CLINT1: variants seen among roughly 807,000 people sequenced by gnomAD.
CLINT1 encodes clathrin interacting protein localized in the trans-Golgi region.
In CLINT1, 15 loss-of-function variants were observed where a neutral mutation model predicts 70.4. The observed-to-expected ratio is 0.21, with a 90% CI of 0.14 to 0.33. The LOEUF (loss-of-function observed/expected upper bound fraction) is 0.33. CLINT1 is among the 10% of genes least tolerant of loss of function. The pLI is 1.00. For synonymous variants in CLINT1, 227 were observed against 254.7 expected (o/e 0.89, Z 1.04); for missense variants, 615 against 778.1 (o/e 0.79, Z 2.49).
At chr5:157,826,565 GGAGAAC>G (rs1342377370) in intron 1 of CLINT1, among the ~76,000 whole-genome samples, 1 of 151,296 alleles carries the variant, frequency 6.6e-6, no homozygotes, top group Non-Finnish European at 1.5e-5. Context: ...CCTCAAAGCT[GGAGAAC>G]AAAGCTAAGC....
chr5:157,809,796 T>A lies in CLINT1; in HGVS notation c.527A>T (p.Tyr176Phe), dbSNP rs1434312836. The change falls in exon 6 of 12, where the codon TAT becomes TTT. Residue 176 changes from tyrosine (Y) to phenylalanine (F), a missense_variant. Physicochemically the swap from Tyr to Phe is conservative, Grantham distance 22 (BLOSUM62 3). This residue lies in a region of CLINT1 where 241 missense variants were observed against 368.6 expected (regional missense o/e 0.65). Coordinates refer to ENST00000411809, the MANE Select transcript of CLINT1 (RefSeq NM_014666.4). ...SVGGFRYSERYDPEPKSKWDE... is the reference protein window; with the variant it reads ...SVGGFRYSERFDPEPKSKWDE... ...CCATTTTGATTTGGGCTCAGGATCATATCTTTCACCTAGATAGAGCATTAA... is the reference window on the plus strand; with the variant it reads ...CCATTTTGATTTGGGCTCAGGATCAAATCTTTCACCTAGATAGAGCATTAA... The A allele has an allele frequency of 6.2e-7, 1 of 1,612,576 alleles. No homozygotes were observed. Among genetic ancestry groups the A allele is most frequent in the Non-Finnish European group, 8.5e-7 (1 of 1,179,282 alleles).
At chr5:157,812,066 A>T (rs1308939491) in intron 5 of CLINT1, among the ~76,000 whole-genome samples, 1 of 152,232 alleles carries the variant, frequency 6.6e-6, no homozygotes, top group Non-Finnish European at 1.5e-5. Flanking sequence ...TTGATGCTTC[A>T]ATATAAAAAA....
chr5:157,850,180 T>C (rs984111591), intron 1 of CLINT1, among the ~76,000 whole-genome samples: 3 of 152,158 alleles, frequency 2.0e-5, no homozygotes, highest in Admixed American at 6.5e-5. Flanking sequence ...CTGAACCCAT[T>C]TGACTTAGTA....
chr5:157,858,328 G>C (rs913054519), intron 1 of CLINT1, among the ~76,000 whole-genome samples: 1 of 152,236 alleles, frequency 6.6e-6, no homozygotes, highest in Non-Finnish European at 1.5e-5. Context: ...TTTCACTAGT[G>C]TTAGAAAAGC....
Position 157,801,756 on chromosome 5 carries a change from A to G in CLINT1, c.1012+1894T>C, listed in dbSNP as rs1014594469. On this transcript the variant is annotated intron_variant, in intron 8 of 11. Coordinates refer to ENST00000411809, the MANE Select transcript of CLINT1 (RefSeq NM_014666.4). ...GCTTAGGCAAGAGAATTGCTTGAATAAAGTTCATGCCTAATCCAAGAATTT... is the reference window on the plus strand; with the variant it reads ...GCTTAGGCAAGAGAATTGCTTGAATGAAGTTCATGCCTAATCCAAGAATTT... 7.2e-5 allele frequency among the ~76,000 whole-genome samples: 11 copies of G among 152,146 alleles called. No individual in the cohort carries two copies. The East Asian group carries it at 1.2e-3, about 16-fold the overall frequency.
intron 1 of CLINT1, among the ~76,000 whole-genome samples, chr5:157,842,021 C>T (rs1753196556): frequency 6.6e-6 from 1 of 152,150 alleles, no homozygotes; most frequent in Non-Finnish European, 1.5e-5. Context: ...AGTCATTCTT[C>T]CACTAACTCA....
At chr5:157,846,015 T>C (rs1753364819) in intron 1 of CLINT1, among the ~76,000 whole-genome samples, 1 of 152,212 alleles carries the variant, frequency 6.6e-6, no homozygotes, top group Non-Finnish European at 1.5e-5. Context: ...ACTGCTCCAC[T>C]GACTGCCCAT....
In CLINT1 at chr5:157,791,770, T is replaced by C. The variant is rs199525692; in HGVS notation, c.1313A>G (p.Gln438Arg). Residue 438 changes from glutamine to arginine, a missense_variant, in exon 10 of 12, where the codon CAG (glutamine) becomes CGG (arginine). Gln to Arg is a conservative substitution (Grantham distance 43). Transcript: ENST00000411809. ...GCTCATCATAGAGAAATTCATACTC[T>C]GGGAAGATGTCATGGTTGCCTGGGA... is the stretch of plus-strand genomic sequence containing the variant. ...GSSQATMTSS[Q>R]SMNFSMMSTN... 753 of 1,613,886 alleles carry C rather than the reference T, an allele frequency of 4.7e-4. No individual in the cohort carries two copies. Among genetic ancestry groups the C allele is most frequent in the Non-Finnish European group, 6.2e-4 (727 of 1,179,886 alleles).
At position 157,786,837 on chromosome 5, in the gene CLINT1, G is replaced by A. The variant is rs1272353352; in HGVS notation, c.*809C>T. 2 of 152,156 alleles carry A rather than the reference G, an allele frequency of 1.3e-5. No individual in the cohort carries two copies. The highest frequency in any genetic ancestry group is 1.9e-4 in the East Asian group (1 of 5,208). 9.4% of individuals were successfully genotyped at this position (152,156 alleles called of 1,614,324 possible). ...AATGATGGCTACAGGGATAAACACG[G>A]AAGGAAGCCTTGCCAAGTTAATCAC... is the stretch of plus-strand genomic sequence containing the variant. On this transcript the variant is annotated 3_prime_UTR_variant, in exon 12 of 12. Transcript: ENST00000411809.
chr5:157,792,400 T>C (rs1238398799), intron 9 of CLINT1, among the ~76,000 whole-genome samples: 1 of 152,006 alleles, frequency 6.6e-6, no homozygotes, highest in Non-Finnish European at 1.5e-5. Flanking sequence ...ACAAAAAAAT[T>C]AGCTGGGTGT....
At chr5:157,858,794 G>T in intron 1 of CLINT1, 136 bp downstream of exon 1, 1 of 921,858 alleles carries the variant, frequency 1.1e-6, no homozygotes, top group Non-Finnish European at 1.6e-6. Context: ...GGCCGGGAAG[G>T]AGCGGGCCGC....
intron 1 of CLINT1, among the ~76,000 whole-genome samples, chr5:157,818,631 A>G (rs1762791921): frequency 6.6e-6 from 1 of 152,114 alleles, no homozygotes; most frequent in Non-Finnish European, 1.5e-5. Context: ...CCTGGGCAAT[A>G]CAGCAAGACC....
chr5:157,822,573 T>A (rs1436678650), intron 1 of CLINT1, among the ~76,000 whole-genome samples: 1 of 152,224 alleles, frequency 6.6e-6, no homozygotes, highest in Non-Finnish European at 1.5e-5. Context: ...ACACAGCCAG[T>A]ATTCAGTTAG....
At chr5:157,788,968 G>GAA (rs58634730) in intron 11 of CLINT1, among the ~76,000 whole-genome samples, 34 of 95,582 alleles carry the variant, frequency 3.6e-4, no homozygotes, top group African/African-American at 4.9e-4. Flanking sequence ...CTCCATCTCA[G>GAA]AAAAAAAAAA....
intron 6 of CLINT1, among the ~76,000 whole-genome samples, chr5:157,808,517 C>G (rs1465019800): frequency 1.3e-5 from 2 of 151,996 alleles, no homozygotes. Flanking sequence ...TTATTCTACT[C>G]TAGTAGAGAT....
Position 157,859,022 on chromosome 5 carries a change from C to G in CLINT1, c.-52G>C. 1 of 1,604,320 alleles carries G rather than the reference C, an allele frequency of 6.2e-7. No homozygotes were observed. Among genetic ancestry groups the G allele is most frequent in the Non-Finnish European group, 8.5e-7 (1 of 1,174,972 alleles). On this transcript the variant is annotated 5_prime_UTR_variant, in exon 1 of 12. Transcript: ENST00000411809. ...CCTCCCTCTCCTGCTCCCCACGGAC[C>G]CCGGAACACTTCCGTACCGGGGCAG...
intron 5 of CLINT1, among the ~76,000 whole-genome samples, chr5:157,810,485 C>T (rs190862015): frequency 6.6e-6 from 1 of 152,310 alleles, no homozygotes; most frequent in African/African-American, 2.4e-5. Flanking sequence ...CCAATTCAAA[C>T]ACCCATTCCA....
At chr5:157,851,775 T>C (rs1025424320) in intron 1 of CLINT1, among the ~76,000 whole-genome samples, 6 of 152,140 alleles carry the variant, frequency 3.9e-5, no homozygotes, top group African/African-American at 1.2e-4. Context: ...ATGTGCACTG[T>C]TGCACATTAA....
rs372057796 is a variant in CLINT1, at chr5:157,845,445, C to T, written c.41+13485G>A. 1.6e-3 allele frequency among the ~76,000 whole-genome samples: 243 copies of T among 152,158 alleles called. 2 individuals carry two copies. Among genetic ancestry groups the T allele is most frequent in the African/African-American group, 5.5e-3 (227 of 41,504 alleles). On this transcript the variant is annotated intron_variant, in intron 1 of 11. Coordinates refer to ENST00000411809, the MANE Select transcript of CLINT1 (RefSeq NM_014666.4). The stretch of plus-strand genomic sequence containing the variant: ...TTGTGTGAGGTATATACTACTAATT[C>T]ACCTTTCTGGTAGCGAAATATGGAC...
Sources: allele counts gnomAD v4.1 joint callset (sites outside exome capture counted in the v4.1 genomes callset), GRCh38; gene constraint gnomAD v4.1.1; regional missense constraint gnomAD v4.1.1; transcripts MANE v1.5; gene names NCBI Gene and HGNC (gene_info 2026-07-23, HGNC 2026-07-21).